The following ATP13A3 variants were observed in gnomAD, a reference collection of about 807,000 sequenced individuals.
ATP13A3 encodes the protein ATPase 13A3.
ATP13A3 carries 59 observed loss-of-function variants against 158.1 expected under a neutral mutation model. The ratio of observed to expected loss-of-function variants is 0.37; its 90% CI spans 0.30 to 0.46. The LOEUF is 0.46. Ranked by LOEUF, ATP13A3 falls within the 20% of genes least tolerant of loss-of-function variation. The pLI, the probability that ATP13A3 is intolerant of heterozygous loss-of-function variation, is 1.00. For missense variants in ATP13A3, 1,166 were observed against 1,525.2 expected (o/e 0.76, Z 3.92); for synonymous variants, 491 against 504.3 (o/e 0.97, Z 0.35).
rs1577033212 is a variant in ATP13A3 at position 194,420,123 on chromosome 3, AG to A, written c.3314-157del. 7 of 747,778 alleles carry A rather than the reference AG, an allele frequency of 9.4e-6. No individual in the cohort carries two copies. The East Asian group carries it at 3.0e-4, about 32-fold the overall frequency. The allele number at this position is 747,778 out of a possible 1,614,324, so 46.3% of individuals were successfully genotyped here. A position where few individuals can be genotyped will look rare whatever the true frequency, so the allele number is the denominator to read the frequency against. ...AAGTATGTGCTCTGTTATCTCCTGG[AG>A]TATGAGACATTGTTCGGGGCACCCA... is the stretch of plus-strand genomic sequence containing the variant. On this transcript the variant is annotated intron_variant, in intron 30 of 33. Coordinates refer to ENST00000645319, the MANE Select transcript of ATP13A3 (RefSeq NM_001367549.1).
upstream of ATP13A3, chr3:194,487,892 T>G (rs1721071832): frequency 6.6e-6 from 1 of 152,428 alleles, no homozygotes; most frequent in Non-Finnish European, 1.5e-5. Flanking sequence ...GAGGACGGCA[T>G]GCATGCGGAC....
At chr3:194,474,893 A>G (rs1310629977) in intron 2 of ATP13A3, among the ~76,000 whole-genome samples, 1 of 152,258 alleles carries the variant, frequency 6.6e-6, no homozygotes, top group African/African-American at 2.4e-5. Flanking sequence ...GACTATGGTC[A>G]TGCCAGCTAA....
In ATP13A3 at chr3:194,441,475, A is replaced by G. The variant is rs1340793057; in HGVS notation, c.1560-14T>C. On this transcript the variant is annotated splice_polypyrimidine_tract_variant and intron_variant, in intron 15 of 33. Transcript: ENST00000645319. Reference sequence around the variant, plus strand: ...GGTGAAAGAAATCTAAGCAGAAGACACACTGAATTAGTTTCATAAATTCTA... The same window carrying G: ...GGTGAAAGAAATCTAAGCAGAAGACGCACTGAATTAGTTTCATAAATTCTA... The G allele has an allele frequency of 1.2e-6, 2 of 1,606,634 alleles. No homozygotes were observed. Among genetic ancestry groups the G allele is most frequent in the African/African-American group, 2.7e-5 (2 of 74,724 alleles).
At chr3:194,465,085 T>C (rs1035219706) in intron 2 of ATP13A3, among the ~76,000 whole-genome samples, 1 of 151,852 alleles carries the variant, frequency 6.6e-6, no homozygotes, top group African/African-American at 2.4e-5. Context: ...AACAACAAAA[T>C]ACATAATGGT....
chr3:194,466,206 TTAC>T (rs1436169447), intron 2 of ATP13A3, among the ~76,000 whole-genome samples: 2 of 151,700 alleles, frequency 1.3e-5, no homozygotes, highest in African/African-American at 4.9e-5. Context: ...GAATAGCAAA[TTAC>T]TCCCAGAGTA....
At chr3:194,406,780 G>A (rs944868165) in intron 33 of ATP13A3, among the ~76,000 whole-genome samples, 6 of 152,110 alleles carry the variant, frequency 3.9e-5, no homozygotes, top group African/African-American at 9.7e-5. Flanking sequence ...AGTAAATATC[G>A]TTTGGTCAAA....
At chr3:194,415,670 T>TTTTTTG (rs1560070790) in intron 31 of ATP13A3, among the ~76,000 whole-genome samples, 2 of 107,256 alleles carry the variant, frequency 1.9e-5, no homozygotes, top group African/African-American at 7.6e-5. Flanking sequence ...TCTTTTTTTT[T>TTTTTTG]TTTTTTTTTT....
At chr3:194,480,376 T>G (rs57556048) in intron 2 of ATP13A3, among the ~76,000 whole-genome samples, 14,770 of 152,194 alleles carry the variant, frequency 0.097, 1,879 homozygotes, top group African/African-American at 0.3. Flanking sequence ...TTTTACATAC[T>G]CATGTTTTCT....
Position 194,425,423 on chromosome 3 carries a change from A to T in ATP13A3, c.3232T>A (p.Phe1078Ile). 3 of 1,613,748 alleles carry T rather than the reference A, an allele frequency of 1.9e-6. No individual in the cohort carries two copies. The highest frequency in any genetic ancestry group is 2.5e-6 in the Non-Finnish European group (3 of 1,179,652). ...IQNYENTTVF[F>I]ISSFQYLIVA... ...ATGAGGTACTGAAAACTGGAAATAA[A>T]AAACACTGTGGTATTTTCATAATTT... The change falls in exon 30 of 34, where the codon TTT (phenylalanine) becomes ATT (isoleucine). Residue 1078 changes from phenylalanine (F) to isoleucine (I), a missense_variant. This residue lies in a region of ATP13A3 where 997 missense variants were observed against 1,341.2 expected (regional missense o/e 0.74). Transcript: ENST00000645319.
At position 194,448,620 on chromosome 3, in the gene ATP13A3, C is replaced by T. The variant is rs1327601025; in HGVS notation, c.987G>A (p.Val329=). Residue 329 remains valine (V), a synonymous_variant, in exon 12 of 34, where the codon GTG becomes GTA. Transcript: ENST00000645319. The surrounding 1 kb of genome is among the most constrained non-coding windows in gnomAD (Gnocchi z 4.0). ...AAGGATTTGGCAAATTAGTCTTTGT[C>T]ACTGGAACACTTTCTCCTTTAAAAA... ...ESMLTGESVP[V]TKTNLPNPSV... is the part of the protein sequence containing the mutation. 6.2e-7 allele frequency: 1 copy of T among 1,610,918 alleles called. No homozygotes were observed. The highest frequency in any genetic ancestry group is 1.1e-5 in the South Asian group (1 of 89,980).
intron 24 of ATP13A3, 126 bp downstream of exon 24, chr3:194,430,817 T>C (rs878912781): frequency 1.1e-4 from 76 of 673,676 alleles, no homozygotes; most frequent in African/African-American, 1.1e-3. Context: ...AACTATCTTA[T>C]AGATCACAAT....
chr3:194,417,304 A>C (rs1194370602), intron 31 of ATP13A3, among the ~76,000 whole-genome samples: 2 of 151,600 alleles, frequency 1.3e-5, no homozygotes, highest in African/African-American at 4.8e-5. Context: ...GGTGCCAGCT[A>C]CTCGTGAGGC....
At chr3:194,454,641 C>A (rs1410317688) in intron 8 of ATP13A3, among the ~76,000 whole-genome samples, 1 of 151,828 alleles carries the variant, frequency 6.6e-6, no homozygotes, top group Non-Finnish European at 1.5e-5. Flanking sequence ...TCCTGGCTAA[C>A]ACGGTGAAAC....
Position 194,448,485 on chromosome 3 carries a change from T to G in ATP13A3, c.1122A>C (p.Glu374Asp). Residue 374 changes from glutamate (E) to aspartate (D), a missense_variant, in exon 12 of 34, where the codon GAA becomes GAC. Around this residue, in one of 3 missense-constraint regions of ATP13A3, gnomAD observed 997 missense variants for 1,341.2 expected, o/e 0.74. Coordinates refer to ENST00000645319, the MANE Select transcript of ATP13A3 (RefSeq NM_001367549.1). This position sits in a 1 kb window ranked among gnomAD's most constrained non-coding sequence, Gnocchi z 4.0. ...TTCTAACAACTATGGCTTTGACGAG[T>G]TCTCCAGTGTAGAAACGAGTCTGAA... ...TVIQTRFYTG[E>D]LVKAIVVRTG... The G allele has an allele frequency of 6.2e-7, 1 of 1,614,108 alleles. No individual in the cohort carries two copies. Among genetic ancestry groups the G allele is most frequent in the Non-Finnish European group, 8.5e-7 (1 of 1,179,976 alleles).
chr3:194,430,164 G>T lies in ATP13A3; in HGVS notation c.2685C>A (p.His895Gln). The stretch of plus-strand genomic sequence containing the variant: ...CGAGCTCCGATAAGGAAATGCCTCC[G>T]TGTGCCCTCTTCAAAGCCTAATAAT... ...ANDCGALKRAHGGISLSELEA... is the reference protein window; with the variant it reads ...ANDCGALKRAQGGISLSELEA... The change falls in exon 26 of 34, where the codon CAC (histidine) becomes CAA (glutamine). Residue 895 changes from histidine (H) to glutamine (Q), a missense_variant. Transcript: ENST00000645319. The T allele has an allele frequency of 6.2e-7, 1 of 1,614,020 alleles. No homozygotes were observed. Among genetic ancestry groups the T allele is most frequent in the African/African-American group, 1.3e-5 (1 of 75,014 alleles).
intron 4 of ATP13A3, 94 bp downstream of exon 4, chr3:194,460,564 G>A (rs910821588): frequency 1.8e-5 from 23 of 1,276,710 alleles, no homozygotes; most frequent in Middle Eastern, 2.0e-4. Flanking sequence ...TCCAGGCAGC[G>A]ATGTTCCCTT....
chr3:194,417,439 ACACAC>A (rs1715941040), intron 31 of ATP13A3, among the ~76,000 whole-genome samples: 2 of 151,316 alleles, frequency 1.3e-5, no homozygotes, highest in Admixed American at 1.3e-4. Flanking sequence ...ACACACACAC[ACACAC>A]AAAAGGAGGA....
intron 33 of ATP13A3, among the ~76,000 whole-genome samples, chr3:194,410,331 A>AAAAAAG (rs869283016): frequency 1.5e-5 from 2 of 132,940 alleles, no homozygotes; most frequent in Non-Finnish European, 3.2e-5. Flanking sequence ...AAAAAAAAAA[A>AAAAAAG]CTGCTGGGCC....
chr3:194,410,937 G>GGGT (rs1359615208), intron 33 of ATP13A3, among the ~76,000 whole-genome samples: 2 of 127,230 alleles, frequency 1.6e-5, no homozygotes, highest in African/African-American at 6.5e-5. Flanking sequence ...GGGGTGTTGG[G>GGGT]GTGTGTGTGT....
Sources: gnomAD v4.1 joint callset for allele counts (sites outside exome capture counted in the v4.1 genomes callset) on GRCh38, gnomAD v4.1.1 for gene constraint, gnomAD v4.1.1 regional missense constraint, Gnocchi (gnomAD v3.1) non-coding constraint, MANE v1.5 for transcripts, NCBI Gene and HGNC (gene_info 2026-07-23, HGNC 2026-07-21) for gene names.